The following IL1RAPL1 variants were observed in gnomAD, a reference collection of about 807,000 sequenced individuals.
IL1RAPL1 encodes interleukin-1 receptor accessory protein-like 1.
Under a neutral mutation model 48.4 loss-of-function variants are expected in IL1RAPL1, and 3 were observed. That is an observed-to-expected ratio of 0.06 (90% CI 0.03 to 0.16). The LOEUF is 0.16. Ranked by LOEUF, IL1RAPL1 falls within the 10% of genes least tolerant of loss-of-function variation. The probability of loss-of-function intolerance (pLI) is 1.00; values close to 1 mark genes in which losing one functional copy is unlikely to be tolerated. For synonymous variants in IL1RAPL1, 185 were observed against 187.7 expected, an observed-to-expected ratio of 0.99 and a Z score of 0.12; for missense variants, 349 against 530.6, an observed-to-expected ratio of 0.66 and a Z score of 3.36.
At chrX:29,305,134 A>C (rs7050714) in intron 3 of IL1RAPL1, among the ~76,000 whole-genome samples, 22,063 of 111,353 alleles carry the variant, frequency 0.2, 2,476 homozygotes, top group African/African-American at 0.41. Context: ...ACAGCTGTTA[A>C]AGAGGAAAGA....
At chrX:29,123,487 C>T (rs917846951) in intron 2 of IL1RAPL1, among the ~76,000 whole-genome samples, 5 of 111,792 alleles carry the variant, frequency 4.5e-5, no homozygotes, top group Non-Finnish European at 7.5e-5. Context: ...TAAGGCTTCC[C>T]GCTAATAAAT....
intron 6 of IL1RAPL1, among the ~76,000 whole-genome samples, chrX:29,777,643 TC>T (rs1929232456): frequency 9.0e-6 from 1 of 110,941 alleles, no homozygotes; most frequent in African/African-American, 3.3e-5. Flanking sequence ...CTGAACTTTT[TC>T]CTCTTTCCCC....
chrX:29,629,799 C>G (rs1348841733), intron 5 of IL1RAPL1, among the ~76,000 whole-genome samples: 1 of 111,814 alleles, frequency 8.9e-6, no homozygotes, highest in African/African-American at 3.3e-5. Context: ...AAGATCAAAT[C>G]TCTCTCTGTG....
chrX:29,272,908 G>C (rs1239568224), intron 2 of IL1RAPL1, among the ~76,000 whole-genome samples: 1 of 111,376 alleles, frequency 9.0e-6, no homozygotes, highest in Non-Finnish European at 1.9e-5. Context: ...TCTTTGCTCA[G>C]CTTGGTCTAT....
chrX:28,961,009 C>CAAAA (rs397947609), intron 2 of IL1RAPL1, among the ~76,000 whole-genome samples: 398 of 17,480 alleles, frequency 0.023, 115 homozygotes, highest in South Asian at 0.077. Flanking sequence ...GACTCCGTCT[C>CAAAA]AAAAAAAAAA....
At chrX:29,157,250 C>T (rs778704155) in intron 2 of IL1RAPL1, among the ~76,000 whole-genome samples, 32 of 111,311 alleles carry the variant, frequency 2.9e-4, no homozygotes, top group South Asian at 1.9e-3. Context: ...GATGGCACAA[C>T]CTCAAATGAG....
At chrX:29,857,309 G>T (rs1343333602) in intron 6 of IL1RAPL1, among the ~76,000 whole-genome samples, 2 of 110,858 alleles carry the variant, frequency 1.8e-5, no homozygotes, top group Non-Finnish European at 3.8e-5. Context: ...CTATCTTTTA[G>T]ATTTCAAATA....
intron 3 of IL1RAPL1, among the ~76,000 whole-genome samples, chrX:29,384,596 T>G (rs1179083443): frequency 1.8e-5 from 2 of 112,584 alleles, no homozygotes; most frequent in Non-Finnish European, 3.8e-5. Context: ...TTTGCATTAA[T>G]TTAATTTTTG....
At chrX:28,960,286 G>C (rs1924733302) in intron 2 of IL1RAPL1, among the ~76,000 whole-genome samples, 1 of 111,257 alleles carries the variant, frequency 9.0e-6, no homozygotes, top group Non-Finnish European at 1.9e-5. Context: ...AGTTCAAAAA[G>C]CATTAGGAAA....
chrX:29,917,688 T>C, intron 7 of IL1RAPL1, 92 bp downstream of exon 7: 2 of 717,974 alleles, frequency 2.8e-6, no homozygotes, highest in Non-Finnish European at 4.2e-6. Flanking sequence ...TTTTTTGTTT[T>C]ACTAGTATCA....
chrX:29,006,160 A>G lies in IL1RAPL1; in HGVS notation c.82+216735A>G, dbSNP rs750261347. The stretch of plus-strand genomic sequence containing the variant: ...GCCAGTGAGGAACACCAGAAAATTA[A>G]TGAAAGGGGGAGAATTGGGTGGAGG... On this transcript the variant is annotated intron_variant, in intron 2 of 10. Coordinates refer to ENST00000378993, the MANE Select transcript of IL1RAPL1 (RefSeq NM_014271.4). Among the ~76,000 whole-genome samples the G allele has an allele frequency of 1.2e-3, 129 of 110,760 alleles. 1 individual carries two copies. The highest frequency in any genetic ancestry group is 4.0e-3 in the African/African-American group (123 of 30,442).
chrX:29,079,774 G>A (rs1927760064), intron 2 of IL1RAPL1, among the ~76,000 whole-genome samples: 1 of 110,888 alleles, frequency 9.0e-6, no homozygotes, highest in African/African-American at 3.3e-5. Flanking sequence ...GAAGGCAGTC[G>A]GTAAAAGTTC....
At chrX:29,310,135 G>GAAAAA (rs763228577) in intron 3 of IL1RAPL1, among the ~76,000 whole-genome samples, 9 of 41,146 alleles carry the variant, frequency 2.2e-4, no homozygotes, top group Non-Finnish European at 2.9e-4. Flanking sequence ...AAAAAGAAAG[G>GAAAAA]AAAAAAAAAA....
intron 6 of IL1RAPL1, among the ~76,000 whole-genome samples, chrX:29,704,411 G>A (rs1927136968): frequency 8.9e-6 from 1 of 111,824 alleles, no homozygotes; most frequent in Non-Finnish European, 1.9e-5. Flanking sequence ...GCTCACGCCT[G>A]TAATCCCAGC....
intron 6 of IL1RAPL1, among the ~76,000 whole-genome samples, chrX:29,885,933 A>AT (rs941281692): frequency 4.5e-5 from 5 of 112,200 alleles, no homozygotes; most frequent in African/African-American, 1.6e-4. Context: ...TTTGAAGGAG[A>AT]TTTTTTACAA....
chrX:29,796,341 A>G (rs746484877), intron 6 of IL1RAPL1, among the ~76,000 whole-genome samples: 76 of 112,305 alleles, frequency 6.8e-4, no homozygotes, highest in African/African-American at 2.3e-3. Flanking sequence ...TTATATATCC[A>G]AATACCTACT....
intron 5 of IL1RAPL1, among the ~76,000 whole-genome samples, chrX:29,533,788 A>G (rs765844790): frequency 1.8e-5 from 2 of 111,512 alleles, no homozygotes; most frequent in Non-Finnish European, 3.8e-5. Flanking sequence ...TATCCACTCT[A>G]TTGGGTGTAA....
At chrX:28,868,742 ACT>A (rs1207570235) in intron 2 of IL1RAPL1, among the ~76,000 whole-genome samples, 1 of 112,083 alleles carries the variant, frequency 8.9e-6, no homozygotes, top group Non-Finnish European at 1.9e-5. Context: ...TGTATTTGTA[ACT>A]CTATTTTAAA....
chrX:29,137,466 A>G (rs2038763469), intron 2 of IL1RAPL1, among the ~76,000 whole-genome samples: 1 of 112,095 alleles, frequency 8.9e-6, no homozygotes, highest in African/African-American at 3.2e-5. Flanking sequence ...AAAAATTACA[A>G]AAGCACTTCA....
Sources: gnomAD v4.1 joint callset for allele counts (sites outside exome capture counted in the v4.1 genomes callset) on GRCh38, gnomAD v4.1.1 for gene constraint, MANE v1.5 for transcripts, NCBI Gene and HGNC (gene_info 2026-07-23, HGNC 2026-07-21) for gene names.